The following PAX2 variants were observed in gnomAD, a reference collection of about 807,000 sequenced individuals.
The protein encoded by PAX2 is paired box 2.
Under a neutral mutation model 41.7 loss-of-function variants are expected in PAX2, and 9 were observed. The observed-to-expected ratio is 0.22, with a 90% CI of 0.13 to 0.38. The LOEUF is 0.38. Among genes scored for constraint, PAX2 ranks in the 10% least tolerant of loss-of-function variants. The pLI is 1.00. For missense variants in PAX2, 418 were observed against 531.6 expected (o/e 0.79, Z 2.10); for synonymous variants, 221 against 212.7 (o/e 1.04, Z -0.34).
intron 3 of PAX2, among the ~76,000 whole-genome samples, chr10:100,762,200 T>TA (rs55652460): frequency 0.021 from 2,989 of 142,172 alleles, 100 homozygotes; most frequent in African/African-American, 0.068. Flanking sequence ...CCATCTCTAT[T>TA]AAAAAAAAAA....
At chr10:100,789,703 G>GA (rs1004678070) in intron 5 of PAX2, among the ~76,000 whole-genome samples, 1 of 151,868 alleles carries the variant, frequency 6.6e-6, no homozygotes, top group Non-Finnish European at 1.5e-5. Context: ...AACACAGGGG[G>GA]AAAAAAAACT....
intron 1 of PAX2, chr10:100,749,482 C>T (rs1845350802): frequency 6.9e-6 from 9 of 1,307,974 alleles, no homozygotes; most frequent in Non-Finnish European, 8.7e-6. Context: ...TCTGGTTTCT[C>T]TCCAGTCCCC....
rs373545211 is a variant in PAX2, at chr10:100,827,104, G to T, written c.1108+9G>T. 3.1e-6 allele frequency: 5 copies of T among 1,605,650 alleles called. No individual in the cohort carries two copies. The African/African-American group carries it at 6.7e-5, about 21-fold the overall frequency. On this transcript the variant is annotated intron_variant, in intron 9 of 9. Transcript: ENST00000355243. The surrounding 1 kb of genome is among the most constrained non-coding windows in gnomAD (Gnocchi z 8.5). ...CAACCCCGCCTTACTAAGTGAGTAC[G>T]CCACCTGGCTGGCCGGCGGCTCAGC...
chr10:100,791,649 TCA>T lies in PAX2; in HGVS notation c.616+10290_616+10291del. The stretch of plus-strand genomic sequence containing the variant: ...CAGAGGGAGAGATGCGCGGACACAC[TCA>T]CACACCCTTGCTGGCTCACACAGAT... On this transcript the variant is annotated intron_variant, in intron 5 of 9. Coordinates refer to ENST00000355243, the MANE Select transcript of PAX2 (RefSeq NM_000278.5). This position sits in a 1 kb window ranked among gnomAD's most constrained non-coding sequence, Gnocchi z 4.5. Among the ~76,000 whole-genome samples the T allele has an allele frequency of 6.6e-6, 1 of 152,224 alleles. No homozygotes were observed. Among genetic ancestry groups the T allele is most frequent in the East Asian group, 1.9e-4 (1 of 5,170 alleles).
At chr10:100,764,678 G>A (rs1400180310) in intron 3 of PAX2, among the ~76,000 whole-genome samples, 3 of 150,096 alleles carry the variant, frequency 2.0e-5, no homozygotes, top group Non-Finnish European at 4.4e-5. Context: ...CAGACCTTGT[G>A]GCTGTGTGTG....
chr10:100,763,263 C>G (rs1845898981), intron 3 of PAX2, among the ~76,000 whole-genome samples: 1 of 152,206 alleles, frequency 6.6e-6, no homozygotes. Context: ...GAAACCAAAA[C>G]TTCAGTCAAT....
intron 3 of PAX2, among the ~76,000 whole-genome samples, chr10:100,778,444 AG>A (rs1156566755): frequency 6.6e-6 from 1 of 152,156 alleles, no homozygotes; most frequent in African/African-American, 2.4e-5. Flanking sequence ...ACTGTGAGCT[AG>A]GGGCCTTATC....
At position 100,748,768 on chromosome 10, in the gene PAX2, G is replaced by C. The variant is rs566390925; in HGVS notation, c.44-978G>C. 4.1e-6 allele frequency: 4 copies of C among 985,326 alleles called. No homozygotes were observed. The highest frequency in any genetic ancestry group is 4.8e-6 in the Non-Finnish European group (4 of 829,958). 61.0% of individuals were successfully genotyped at this position (985,326 alleles called of 1,614,324 possible). ...CTCTTGGCCGAAAGAGCAAAAGCCCGAGCCGCTCGGTTTCCTGGGGGGGCT... is the reference window on the plus strand; with the variant it reads ...CTCTTGGCCGAAAGAGCAAAAGCCCCAGCCGCTCGGTTTCCTGGGGGGGCT... On this transcript the variant is annotated intron_variant, in intron 1 of 9. Transcript: ENST00000355243. This position sits in a 1 kb window ranked among gnomAD's most constrained non-coding sequence, Gnocchi z 5.0.
intron 6 of PAX2, among the ~76,000 whole-genome samples, chr10:100,807,211 A>C (rs1392883229): frequency 6.6e-6 from 1 of 152,126 alleles, no homozygotes; most frequent in African/African-American, 2.4e-5. Flanking sequence ...CACACCAGCA[A>C]AACGCACAAC....
chr10:100,767,095 C>T (rs925094388), intron 3 of PAX2, among the ~76,000 whole-genome samples: 50 of 152,294 alleles, frequency 3.3e-4, no homozygotes, highest in African/African-American at 9.1e-4. Context: ...CAATAATACA[C>T]GGTAATGCAC....
chr10:100,827,343 G>A lies in PAX2; in HGVS notation c.1109-200G>A, dbSNP rs963269959. 3.3e-5 allele frequency among the ~76,000 whole-genome samples: 5 copies of A among 152,190 alleles called. No homozygotes were observed. Among genetic ancestry groups the A allele is most frequent in the Non-Finnish European group, 7.4e-5 (5 of 68,022 alleles). On this transcript the variant is annotated intron_variant, in intron 9 of 9. Coordinates refer to ENST00000355243, the MANE Select transcript of PAX2 (RefSeq NM_000278.5). The surrounding 1 kb of genome is among the most constrained non-coding windows in gnomAD (Gnocchi z 8.5). ...TCCCCTGGAGGGTGCGCAGCCGGGC[G>A]TCACCAGATCGGGTCCCTCTCATGC...
At position 100,790,691 on chromosome 10, in the gene PAX2, C is replaced by T. The variant is rs117528061; in HGVS notation, c.616+9326C>T. ...TTGGAGAGGATGTAGGCTAGGGAGA[C>T]CCCAGATCCCTGCCTGCCAGCGGAA... On this transcript the variant is annotated intron_variant, in intron 5 of 9. Coordinates refer to ENST00000355243, the MANE Select transcript of PAX2 (RefSeq NM_000278.5). Among the ~76,000 whole-genome samples, 1,196 of 152,328 alleles carry T rather than the reference C, an allele frequency of 7.9e-3. 9 individuals carry two copies. Among genetic ancestry groups the T allele is most frequent in the Non-Finnish European group, 0.012 (838 of 68,026 alleles).
Position 100,745,789 on chromosome 10 carries a change from C to T in PAX2, c.-472C>T, listed in dbSNP as rs1000420371. The T allele has an allele frequency of 1.8e-5, 19 of 1,063,384 alleles. No homozygotes were observed. Among genetic ancestry groups the T allele is most frequent in the Non-Finnish European group, 1.8e-5 (16 of 879,010 alleles). The allele number at this position is 1,063,384 out of a possible 1,614,324, so 65.9% of individuals were successfully genotyped here. A position where few individuals can be genotyped will look rare whatever the true frequency, so the allele number is the denominator to read the frequency against. On this transcript the variant is annotated 5_prime_UTR_variant, in exon 1 of 10. Coordinates refer to ENST00000355243, the MANE Select transcript of PAX2 (RefSeq NM_000278.5). ...GGGATTGCTACTTCTCTGCCAACTT[C>T]GCCAACTCGCCAGCACTTGGAGAGG...
At chr10:100,766,819 C>G (rs1409785303) in intron 3 of PAX2, among the ~76,000 whole-genome samples, 1 of 152,154 alleles carries the variant, frequency 6.6e-6, no homozygotes, top group East Asian at 1.9e-4. Context: ...GAATCATACA[C>G]CATCACCCAG....
chr10:100,792,489 C>G (rs1226946883), intron 5 of PAX2, among the ~76,000 whole-genome samples: 1 of 152,246 alleles, frequency 6.6e-6, no homozygotes, highest in African/African-American at 2.4e-5. Flanking sequence ...CCTTCTCTTT[C>G]TGGGAACTCC....
intron 7 of PAX2, among the ~76,000 whole-genome samples, chr10:100,816,823 G>A (rs1450938030): frequency 2.0e-5 from 3 of 152,198 alleles, no homozygotes; most frequent in Non-Finnish European, 4.4e-5. Flanking sequence ...GGTGGCGGCT[G>A]GGCTGGCAGG....
chr10:100,809,106 C>T lies in PAX2; in HGVS notation c.793-4C>T. ...AGAGCTGTCACTTTTCTCTCTCCTCCCAGGGGAACGAGTACTCCCTCCCAG... is the reference window on the plus strand; with the variant it reads ...AGAGCTGTCACTTTTCTCTCTCCTCTCAGGGGAACGAGTACTCCCTCCCAG... On this transcript the variant is annotated splice_region_variant and splice_polypyrimidine_tract_variant and intron_variant, in intron 6 of 9. Coordinates refer to ENST00000355243, the MANE Select transcript of PAX2 (RefSeq NM_000278.5). 6.2e-7 allele frequency: 1 copy of T among 1,613,208 alleles called. No individual in the cohort carries two copies. Among genetic ancestry groups the T allele is most frequent in the South Asian group, 1.1e-5 (1 of 91,042 alleles).
At chr10:100,735,449 C>A (rs1385221748) in exon 1 of PAX2, among the ~76,000 whole-genome samples, 1 of 152,194 alleles carries the variant, frequency 6.6e-6, no homozygotes, top group Non-Finnish European at 1.5e-5. Flanking sequence ...GGTGCGTGTG[C>A]ACGCGTGTGC....
chr10:100,760,329 T>G (rs138645613), intron 3 of PAX2, among the ~76,000 whole-genome samples: 17 of 152,328 alleles, frequency 1.1e-4, no homozygotes, highest in African/African-American at 3.8e-4. Context: ...GTTATCACTT[T>G]GATGGCCTGC....
Sources: gnomAD v4.1 joint callset for allele counts (sites outside exome capture counted in the v4.1 genomes callset) on GRCh38, gnomAD v4.1.1 for gene constraint, Gnocchi (gnomAD v3.1) non-coding constraint, MANE v1.5 for transcripts, NCBI Gene and HGNC (gene_info 2026-07-23, HGNC 2026-07-21) for gene names.